THSD7B: variants seen among roughly 807,000 people sequenced by gnomAD.
THSD7B encodes the protein thrombospondin type 1 domain containing 7B, also known as thrombospondin type-1 domain-containing protein 7B.
Under a neutral mutation model 213.6 loss-of-function variants are expected in THSD7B, and 138 were observed. The observed-to-expected ratio is 0.65, with a 90% confidence interval of 0.56 to 0.74. The LOEUF is 0.74. Among genes scored for constraint, THSD7B ranks in the 30% least tolerant of loss-of-function variants. The pLI is 0.00. For synonymous variants in THSD7B, 742 were observed against 687.0 expected, an observed-to-expected ratio of 1.08 and a Z score of -1.25; for missense variants, 1,931 against 1,991.5, an observed-to-expected ratio of 0.97 and a Z score of 0.58.
At chr2:137,093,597 C>T (rs1463773211) in intron 3 of THSD7B, among the ~76,000 whole-genome samples, 5 of 152,174 alleles carry the variant, frequency 3.3e-5, no homozygotes, top group Non-Finnish European at 7.3e-5. Flanking sequence ...AGTGTTTTCT[C>T]TGTGCCTGAG....
At chr2:137,080,907 C>A (rs1053152858) in intron 3 of THSD7B, among the ~76,000 whole-genome samples, 8 of 152,080 alleles carry the variant, frequency 5.3e-5, no homozygotes, top group African/African-American at 1.4e-4. Context: ...TAGTTTCCAG[C>A]AAATTCTTGA....
intron 14 of THSD7B, among the ~76,000 whole-genome samples, chr2:137,434,750 G>A (rs1449762443): frequency 1.3e-5 from 2 of 152,076 alleles, no homozygotes; most frequent in Non-Finnish European, 2.9e-5. Flanking sequence ...CAATTTCTAC[G>A]GTTATTTTCT....
Position 137,146,535 on chromosome 2 carries a change from G to T in THSD7B, c.1370-13678G>T, listed in dbSNP as rs764341184. 4.2e-4 allele frequency among the ~76,000 whole-genome samples: 64 copies of T among 152,042 alleles called. 1 individual carries two copies. Among genetic ancestry groups the T allele is most frequent in the Non-Finnish European group, 1.5e-4 (10 of 67,968 alleles). ...AGATACTAGTAGTACTCATCTCATA[G>T]AATTTTCTTATTAGTTAAATTAGAC... On this transcript the variant is annotated intron_variant, in intron 5 of 27. Transcript: ENST00000409968.
intron 5 of THSD7B, among the ~76,000 whole-genome samples, chr2:137,149,568 T>C (rs1679773134): frequency 6.6e-6 from 1 of 152,220 alleles, no homozygotes; most frequent in Non-Finnish European, 1.5e-5. Context: ...GGCTGTACCC[T>C]GCAAAGTCAC....
chr2:137,603,124 G>T (rs187538034), intron 17 of THSD7B, among the ~76,000 whole-genome samples: 1 of 152,184 alleles, frequency 6.6e-6, no homozygotes, highest in African/African-American at 2.4e-5. Context: ...TCATAGCACA[G>T]TCCAGCATGA....
chr2:136,835,863 A>G (rs187776991), intron 1 of THSD7B, among the ~76,000 whole-genome samples: 1 of 152,332 alleles, frequency 6.6e-6, no homozygotes, highest in Admixed American at 6.5e-5. Flanking sequence ...ATGAAAGAAC[A>G]CAGGGGTTTG....
chr2:137,344,201 C>G (rs542981843), intron 12 of THSD7B, among the ~76,000 whole-genome samples: 3 of 151,746 alleles, frequency 2.0e-5, no homozygotes, highest in East Asian at 1.9e-4. Context: ...GCCACTCCCC[C>G]ATATCTGTGG....
At chr2:137,120,568 C>T (rs913704664) in intron 5 of THSD7B, among the ~76,000 whole-genome samples, 1 of 151,964 alleles carries the variant, frequency 6.6e-6, no homozygotes, top group Non-Finnish European at 1.5e-5. Flanking sequence ...CTTATTAAGT[C>T]AAACTCTTAG....
At chr2:137,210,451 A>C (rs1681078619) in intron 7 of THSD7B, among the ~76,000 whole-genome samples, 1 of 152,112 alleles carries the variant, frequency 6.6e-6, no homozygotes, top group Non-Finnish European at 1.5e-5. Flanking sequence ...CATTCATTTA[A>C]AATTATCCAT....
chr2:137,224,936 T>G (rs1387677433), intron 7 of THSD7B, among the ~76,000 whole-genome samples: 1 of 152,234 alleles, frequency 6.6e-6, no homozygotes, highest in Non-Finnish European at 1.5e-5. Flanking sequence ...TTTTTCTTAT[T>G]CTTCATTTAT....
intron 6 of THSD7B, 66 bp downstream of exon 6, chr2:137,160,434 G>A: frequency 1.3e-6 from 2 of 1,563,050 alleles, no homozygotes; most frequent in South Asian, 2.4e-5. Flanking sequence ...TGGTAGCTAA[G>A]TCACTGATTA....
At chr2:137,115,075 A>G (rs1383265712) in intron 4 of THSD7B, 49 bp from the exon 5 acceptor site, 8 of 1,606,964 alleles carry the variant, frequency 5.0e-6, no homozygotes, top group Middle Eastern at 3.3e-4. Context: ...TCAGAGTTGT[A>G]TATTTTTCTT....
At chr2:137,013,553 C>T (rs1280909901) in intron 2 of THSD7B, among the ~76,000 whole-genome samples, 4 of 152,190 alleles carry the variant, frequency 2.6e-5, no homozygotes, top group African/African-American at 9.7e-5. Context: ...TTATTAAATT[C>T]TTTGTGAGGG....
intron 21 of THSD7B, among the ~76,000 whole-genome samples, chr2:137,648,772 T>C (rs867157165): frequency 6.6e-6 from 1 of 152,088 alleles, no homozygotes; most frequent in Middle Eastern, 3.2e-3. Flanking sequence ...TGTGTGTTTA[T>C]GTGTGTGTGT....
At chr2:137,053,578 A>T (rs929732817) in intron 2 of THSD7B, among the ~76,000 whole-genome samples, 37 of 90,668 alleles carry the variant, frequency 4.1e-4, no homozygotes, top group Non-Finnish European at 6.5e-4. Flanking sequence ...ATTTATAATA[A>T]AAAAAAAAAG....
chr2:137,369,288 A>C (rs1164307239), intron 12 of THSD7B, among the ~76,000 whole-genome samples: 1 of 152,028 alleles, frequency 6.6e-6, no homozygotes, highest in Non-Finnish European at 1.5e-5. Context: ...GAATAAAATG[A>C]GATTATTTTG....
At chr2:137,137,403 A>G (rs1269446292) in intron 5 of THSD7B, among the ~76,000 whole-genome samples, 1 of 152,212 alleles carries the variant, frequency 6.6e-6, no homozygotes, top group Non-Finnish European at 1.5e-5. Flanking sequence ...CAGGTACTGC[A>G]TAACCATGTT....
chr2:137,193,170 GC>G (rs1469900407), intron 7 of THSD7B, among the ~76,000 whole-genome samples: 1 of 152,086 alleles, frequency 6.6e-6, no homozygotes, highest in Non-Finnish European at 1.5e-5. Flanking sequence ...GAGTCACCCT[GC>G]CACGCCAGGG....
At chr2:137,327,171 C>T (rs6715610) in intron 12 of THSD7B, among the ~76,000 whole-genome samples, 19,910 of 152,102 alleles carry the variant, frequency 0.13, 1,387 homozygotes, top group Middle Eastern at 0.16. Flanking sequence ...TGATTTAAAG[C>T]GCAAGCCTGT....
Sources: allele counts gnomAD v4.1 joint callset (sites outside exome capture counted in the v4.1 genomes callset), GRCh38; gene constraint gnomAD v4.1.1; transcripts MANE v1.5; gene names NCBI Gene and HGNC (gene_info 2026-07-23, HGNC 2026-07-21).